Variants in SEC62 observed in about 807,000 individuals in gnomAD.
SEC62 encodes SEC62 preprotein translocation factor.
Under a neutral mutation model 47.5 loss-of-function variants are expected in SEC62, and 10 were observed. That is an observed-to-expected ratio of 0.21 (90% CI 0.13 to 0.36). The LOEUF (loss-of-function observed/expected upper bound fraction) is 0.36, where lower values mean the gene tolerates loss of function less well. Ranked by LOEUF, SEC62 falls within the 10% of genes least tolerant of loss-of-function variation. The pLI is 1.00. For synonymous variants in SEC62, 136 were observed against 150.5 expected (o/e 0.90, Z 0.71); for missense variants, 327 against 464.1 (o/e 0.70, Z 2.71).
Position 169,993,017 on chromosome 3 carries a change from A to T in SEC62, c.1154A>T (p.Glu385Val), listed in dbSNP as rs749025420. Reference sequence around the variant, plus strand: ...GGGGATTGTGAAGAGGATGAGGAAGAGGAAAATGATGGAGAAACACCTAAA... The same window carrying T: ...GGGGATTGTGAAGAGGATGAGGAAGTGGAAAATGATGGAGAAACACCTAAA... The part of the protein sequence containing the change: ...TDGDCEEDEE[E>V]ENDGETPKSS... Residue 385 changes from glutamate to valine, a missense_variant, in exon 8 of 8, where the codon GAG becomes GTG. Coordinates refer to ENST00000337002, the MANE Select transcript of SEC62 (RefSeq NM_003262.4). The T allele has an allele frequency of 6.2e-7, 1 of 1,610,282 alleles. No individual in the cohort carries two copies. Among genetic ancestry groups the T allele is most frequent in the Non-Finnish European group, 8.5e-7 (1 of 1,178,820 alleles).
At chr3:169,969,165 T>C (rs1259404034) in intron 1 of SEC62, 1 of 342,750 alleles carries the variant, frequency 2.9e-6, no homozygotes, top group Non-Finnish European at 5.9e-6. Flanking sequence ...TTTAGAAAGA[T>C]GGTTAATAGA....
chr3:169,981,491 CTAGA>C (rs982842908), intron 3 of SEC62, among the ~76,000 whole-genome samples: 51 of 152,292 alleles, frequency 3.3e-4, no homozygotes, highest in African/African-American at 1.2e-3. Context: ...AGAAAGGTAG[CTAGA>C]TAGTCACCAT....
intron 3 of SEC62, among the ~76,000 whole-genome samples, chr3:169,980,573 T>C (rs1482945563): frequency 1.3e-5 from 2 of 152,228 alleles, no homozygotes; most frequent in African/African-American, 4.8e-5. Context: ...ATGATCCTGC[T>C]GGTTCTATTG....
rs1193342991 is a variant in SEC62 at position 169,993,438 on chromosome 3, T to C, written c.*375T>C. The stretch of plus-strand genomic sequence containing the variant: ...TAAAAGGAACAAAGAAACTCCAACA[T>C]TTCACATTATGCATAGTTATGTAGC... On this transcript the variant is annotated 3_prime_UTR_variant, in exon 8 of 8. Coordinates refer to ENST00000337002, the MANE Select transcript of SEC62 (RefSeq NM_003262.4). 5.9e-6 allele frequency: 1 copy of C among 170,348 alleles called. No individual in the cohort carries two copies. Among genetic ancestry groups the C allele is most frequent in the East Asian group, 1.7e-4 (1 of 5,972 alleles). 10.6% of individuals were successfully genotyped at this position (170,348 alleles called of 1,614,324 possible).
In SEC62 at chr3:169,985,733, ATATAGAATTAAGCATTACTTTCTAATGT is replaced by A. The variant is rs1443011652; in HGVS notation, c.550-71_550-44del. On this transcript the variant is annotated intron_variant, in intron 5 of 7. Coordinates refer to ENST00000337002, the MANE Select transcript of SEC62 (RefSeq NM_003262.4). ...TGATGACTGCTTTAAGGGACCTAAAATATAGAATTAAGCATTACTTTCTAATGTGACATTAGAACTTTTAAGCACCGAG... is the reference window on the plus strand; with the variant it reads ...TGATGACTGCTTTAAGGGACCTAAAAGACATTAGAACTTTTAAGCACCGAG... 3 of 1,229,466 alleles carry A rather than the reference ATATAGAATTAAGCATTACTTTCTAATGT, an allele frequency of 2.4e-6. No individual in the cohort carries two copies. The African/African-American group carries it at 4.5e-5, about 19-fold the overall frequency. 76.2% of individuals were successfully genotyped at this position (1,229,466 alleles called of 1,614,324 possible).
At chr3:169,972,308 A>C (rs1296116546) in intron 1 of SEC62, among the ~76,000 whole-genome samples, 1 of 152,160 alleles carries the variant, frequency 6.6e-6, no homozygotes, top group African/African-American at 2.4e-5. Flanking sequence ...CTAGAGCCAA[A>C]TTTTGTGTCA....
rs554933019 is a variant in SEC62 at position 169,994,034 on chromosome 3, G to A, written c.*971G>A. ...GAGCAGACTTAAAGTAGCTTTGTAC[G>A]CCTTAATGTTCATTTTGATTTATTT... On this transcript the variant is annotated 3_prime_UTR_variant, in exon 8 of 8. Transcript: ENST00000337002. The A allele has an allele frequency of 1.3e-5, 2 of 152,666 alleles. No individual in the cohort carries two copies. Among genetic ancestry groups the A allele is most frequent in the African/African-American group, 2.4e-5 (1 of 41,536 alleles). 9.5% of individuals were successfully genotyped at this position (152,666 alleles called of 1,614,324 possible).
chr3:169,997,760 G>A lies in SEC62; in HGVS notation c.*4697G>A, dbSNP rs1429174919. 6.6e-6 allele frequency: 1 copy of A among 152,342 alleles called. No homozygotes were observed. The highest frequency in any genetic ancestry group is 3.4e-3 in the Middle Eastern group (1 of 294). 9.4% of individuals were successfully genotyped at this position (152,342 alleles called of 1,614,324 possible). ...TGGGATTACAGGCATGAGCCACCAT[G>A]CCTGGCCAGAATAATGTTTTTAAAT... is the stretch of plus-strand genomic sequence containing the variant. On this transcript the variant is annotated 3_prime_UTR_variant, in exon 8 of 8. Transcript: ENST00000337002.
chr3:169,988,302 T>C lies in SEC62; in HGVS notation c.673T>C (p.Tyr225His). 6.2e-7 allele frequency: 1 copy of C among 1,614,006 alleles called. No individual in the cohort carries two copies. The highest frequency in any genetic ancestry group is 8.5e-7 in the Non-Finnish European group (1 of 1,179,914). ...GCCAGCAGAAATGAGAGTAGGTGTT[T>C]ATTACCTCAGTGTGGGTGCAGGCTG... ...LWPAEMRVGVYYLSVGAGCFV... is the reference protein window; with the variant it reads ...LWPAEMRVGVHYLSVGAGCFV... Residue 225 changes from tyrosine to histidine, a missense_variant, in exon 7 of 8, where the codon TAT (tyrosine) becomes CAT (histidine). This residue lies in a region of SEC62 where 99 missense variants were observed against 194.0 expected (regional missense o/e 0.51). Coordinates refer to ENST00000337002, the MANE Select transcript of SEC62 (RefSeq NM_003262.4).
intron 5 of SEC62, 46 bp from the exon 6 acceptor site, chr3:169,985,759 T>C: frequency 1.3e-6 from 2 of 1,482,300 alleles, no homozygotes; most frequent in East Asian, 4.6e-5. Flanking sequence ...TACTTTCTAA[T>C]GTGACATTAG....
rs988780915 is a variant in SEC62, at chr3:169,994,379, A to G, written c.*1316A>G. On this transcript the variant is annotated 3_prime_UTR_variant, in exon 8 of 8. Transcript: ENST00000337002. ...ATCTTGCTTTGTGGTTGAAATAGGT[A>G]GTGTATGTCAGTCTTTGCTTTAGGC... 6 of 152,642 alleles carry G rather than the reference A, an allele frequency of 3.9e-5. No individual in the cohort carries two copies. Among genetic ancestry groups the G allele is most frequent in the African/African-American group, 1.4e-4 (6 of 41,458 alleles). The allele number at this position is 152,642 out of a possible 1,614,324, so 9.5% of individuals were successfully genotyped here. A position where few individuals can be genotyped will look rare whatever the true frequency, so the allele number is the denominator to read the frequency against.
intron 5 of SEC62, 30 bp downstream of exon 5, chr3:169,983,283 G>C: frequency 6.7e-7 from 1 of 1,483,306 alleles, no homozygotes; most frequent in Non-Finnish European, 9.2e-7. Flanking sequence ...TAGAAGTTCA[G>C]TTTTCTATAG....
intron 7 of SEC62, among the ~76,000 whole-genome samples, chr3:169,990,541 T>A (rs1303646941): frequency 2.0e-5 from 3 of 152,108 alleles, no homozygotes; most frequent in Non-Finnish European, 4.4e-5. Flanking sequence ...TGATAAGAAA[T>A]TAGGTTAGTG....
At position 169,996,677 on chromosome 3, in the gene SEC62, C is replaced by T. The variant is rs750761770; in HGVS notation, c.*3614C>T. ...AGGGTGCCTATTCTCGGCTCTTCTC[C>T]TGGGGTTGGGGGGCTGCCTTAGCAG... On this transcript the variant is annotated 3_prime_UTR_variant, in exon 8 of 8. Coordinates refer to ENST00000337002, the MANE Select transcript of SEC62 (RefSeq NM_003262.4). The T allele has an allele frequency of 3.3e-5, 5 of 152,340 alleles. No homozygotes were observed. Among genetic ancestry groups the T allele is most frequent in the Non-Finnish European group, 5.9e-5 (4 of 68,188 alleles). The allele number at this position is 152,340 out of a possible 1,614,324, so 9.4% of individuals were successfully genotyped here. A position where few individuals can be genotyped will look rare whatever the true frequency, so the allele number is the denominator to read the frequency against.
At chr3:169,986,268 G>A (rs2032742) in intron 6 of SEC62, among the ~76,000 whole-genome samples, 43,840 of 151,950 alleles carry the variant, frequency 0.29, 7,675 homozygotes, top group African/African-American at 0.49. Context: ...TTTGTAAAGG[G>A]CAGTTTGTCA....
At chr3:169,987,403 A>G (rs934768290) in intron 6 of SEC62, among the ~76,000 whole-genome samples, 5 of 152,220 alleles carry the variant, frequency 3.3e-5, no homozygotes, top group African/African-American at 1.2e-4. Flanking sequence ...TGGGTGACAG[A>G]GTAAGACTCT....
chr3:169,978,221 G>A (rs1253503572), intron 3 of SEC62, among the ~76,000 whole-genome samples: 2 of 152,170 alleles, frequency 1.3e-5, no homozygotes, highest in Non-Finnish European at 2.9e-5. Flanking sequence ...GGAGCTTGCA[G>A]TGAGCCGAGG....
At chr3:169,986,726 C>T (rs1715116941) in intron 6 of SEC62, among the ~76,000 whole-genome samples, 1 of 151,966 alleles carries the variant, frequency 6.6e-6, no homozygotes, top group South Asian at 2.1e-4. Flanking sequence ...TTTCTCTATA[C>T]CTTTTGATTT....
At position 169,995,108 on chromosome 3, in the gene SEC62, T is replaced by G. The variant is rs1462893973; in HGVS notation, c.*2045T>G. Reference sequence around the variant, plus strand: ...GCCTCTATTACAATCCTCAGTGGAATAGATGGCTATCTTTCTTGGCTAACA... The same window carrying G: ...GCCTCTATTACAATCCTCAGTGGAAGAGATGGCTATCTTTCTTGGCTAACA... On this transcript the variant is annotated 3_prime_UTR_variant, in exon 8 of 8. Coordinates refer to ENST00000337002, the MANE Select transcript of SEC62 (RefSeq NM_003262.4). The G allele has an allele frequency of 2.6e-5, 4 of 152,224 alleles. No homozygotes were observed. The highest frequency in any genetic ancestry group is 9.6e-5 in the African/African-American group (4 of 41,456). 9.4% of individuals were successfully genotyped at this position (152,224 alleles called of 1,614,324 possible). A position where few individuals can be genotyped will look rare whatever the true frequency, so the allele number is the denominator to read the frequency against.
Sources: allele counts gnomAD v4.1 joint callset (sites outside exome capture counted in the v4.1 genomes callset), GRCh38; gene constraint gnomAD v4.1.1; regional missense constraint gnomAD v4.1.1; transcripts MANE v1.5; gene names NCBI Gene and HGNC (gene_info 2026-07-23, HGNC 2026-07-21).